Variants in SHISA9 observed in about 807,000 individuals in gnomAD.
The protein encoded by SHISA9 is shisa family member 9, also known as protein shisa-9.
A neutral mutation model predicts 38.0 loss-of-function variants in SHISA9; 13 were observed. The ratio of observed to expected loss-of-function variants is 0.34; its 90% confidence interval spans 0.22 to 0.54. SHISA9 has a LOEUF of 0.54. Ranked by LOEUF, SHISA9 falls within the 20% of genes least tolerant of loss-of-function variation. The pLI, the probability that SHISA9 is intolerant of heterozygous loss-of-function variation, is 0.91. For missense variants in SHISA9, 538 were observed against 575.8 expected, an observed-to-expected ratio of 0.93 and a Z score of 0.67; for synonymous variants, 275 against 242.0, an observed-to-expected ratio of 1.14 and a Z score of -1.27.
rs1229266909 is a variant in SHISA9 at position 12,970,353 on chromosome 16, G to GTATA, written c.691+53551_691+53554dup. Among the ~76,000 whole-genome samples, 161 of 46,734 alleles carry GTATA rather than the reference G, an allele frequency of 3.4e-3. 4 individuals carry two copies. The highest frequency in any genetic ancestry group is 0.014 in the African/African-American group (147 of 10,610). The allele number at this position is 46,734 out of a possible 152,430, so 30.7% of individuals were successfully genotyped here. ...TATATATATATATATACATATATGTGTATATATATATATATACATATATAT... is the reference window on the plus strand; with the variant it reads ...TATATATATATATATACATATATGTGTATATATATATATATATATACATATATAT... On this transcript the variant is annotated intron_variant, in intron 2 of 4. Transcript: ENST00000558583.
chr16:13,118,877 C>T (rs1035781698), intron 2 of SHISA9, among the ~76,000 whole-genome samples: 7 of 151,874 alleles, frequency 4.6e-5, no homozygotes, highest in Non-Finnish European at 1.0e-4. Context: ...TTACAGGCGC[C>T]CTCCACCATG....
chr16:12,925,447 A>ATGTGTG (rs1555500777), intron 2 of SHISA9, among the ~76,000 whole-genome samples: 199 of 66,278 alleles, frequency 3.0e-3, no homozygotes, highest in East Asian at 0.018. Context: ...GTGTGTGTGT[A>ATGTGTG]TGTGTGTGTG....
At chr16:13,457,981 C>G in the SHISA9 span, among the ~76,000 whole-genome samples, 3 of 151,568 alleles carry the variant, frequency 2.0e-5, no homozygotes, top group African/African-American at 7.3e-5. Flanking sequence ...CCCTTCCTTC[C>G]TTCCTTTCTT....
the SHISA9 span, among the ~76,000 whole-genome samples, chr16:13,352,687 C>T: frequency 7.2e-4 from 46 of 63,784 alleles, no homozygotes; most frequent in East Asian, 2.5e-3. Flanking sequence ...AGAGAGTCAG[C>T]GAAGGGAGAT....
intron 2 of SHISA9, among the ~76,000 whole-genome samples, chr16:13,181,191 A>G (rs1386534647): frequency 6.7e-6 from 1 of 149,260 alleles, no homozygotes; most frequent in Non-Finnish European, 1.5e-5. Context: ...CATAATAATA[A>G]TTATAATTAC....
At chr16:13,052,042 C>T (rs376542551) in intron 2 of SHISA9, among the ~76,000 whole-genome samples, 5 of 152,124 alleles carry the variant, frequency 3.3e-5, no homozygotes, top group Non-Finnish European at 4.4e-5. Flanking sequence ...GGATTATAGG[C>T]GTCAACCACT....
At chr16:13,342,034 C>T in the SHISA9 span, among the ~76,000 whole-genome samples, 1 of 152,094 alleles carries the variant, frequency 6.6e-6, no homozygotes, top group African/African-American at 2.4e-5. Context: ...CTAAATAGTT[C>T]CCAAATCTAC....
intron 2 of SHISA9, among the ~76,000 whole-genome samples, chr16:12,940,798 C>T (rs867256009): frequency 1.3e-5 from 2 of 152,168 alleles, no homozygotes; most frequent in East Asian, 3.9e-4. Flanking sequence ...AGGTGCATTA[C>T]TCCTCCTTCC....
At chr16:13,463,346 G>A in the SHISA9 span, among the ~76,000 whole-genome samples, 1 of 152,188 alleles carries the variant, frequency 6.6e-6, no homozygotes, top group African/African-American at 2.4e-5. Context: ...GGCAGGAGAG[G>A]CAGCGTGCAG....
chr16:13,271,741 T>C, the SHISA9 span, among the ~76,000 whole-genome samples: 1 of 152,050 alleles, frequency 6.6e-6, no homozygotes, highest in African/African-American at 2.4e-5. Context: ...GGCATAGTGA[T>C]GAACTCAAAA....
chr16:13,334,219 T>A, the SHISA9 span, among the ~76,000 whole-genome samples: 1 of 152,176 alleles, frequency 6.6e-6, no homozygotes, highest in Non-Finnish European at 1.5e-5. Context: ...CTTTCTGGGA[T>A]TTTCACATTG....
intron 4 of SHISA9, among the ~76,000 whole-genome samples, chr16:13,225,007 G>A (rs887926925): frequency 8.5e-5 from 13 of 152,146 alleles, no homozygotes; most frequent in Non-Finnish European, 1.5e-4. Flanking sequence ...CTTTGCAGAG[G>A]TCATTGAGTT....
At chr16:13,460,952 G>A in the SHISA9 span, among the ~76,000 whole-genome samples, 5 of 152,222 alleles carry the variant, frequency 3.3e-5, no homozygotes, top group Admixed American at 6.5e-5. Context: ...GTCCTTCATC[G>A]CTCCTTGTTA....
intron 4 of SHISA9, among the ~76,000 whole-genome samples, chr16:13,214,884 G>C (rs976625359): frequency 6.6e-6 from 1 of 152,148 alleles, no homozygotes; most frequent in Non-Finnish European, 1.5e-5. Context: ...CCTGGGAATT[G>C]TGCGAGTTGC....
chr16:13,106,962 C>T (rs2073930441), intron 2 of SHISA9, among the ~76,000 whole-genome samples: 1 of 100,268 alleles, frequency 1.0e-5, no homozygotes, highest in Non-Finnish European at 2.0e-5. Context: ...TGCTCTTTCT[C>T]ACGTTCTCTC....
chr16:13,264,624 GA>G, the SHISA9 span, among the ~76,000 whole-genome samples: 1 of 152,036 alleles, frequency 6.6e-6, no homozygotes, highest in Non-Finnish European at 1.5e-5. Flanking sequence ...ATTCTAAACA[GA>G]ATGTCTCTCT....
At chr16:13,216,760 C>G (rs2051173200) in intron 4 of SHISA9, among the ~76,000 whole-genome samples, 1 of 152,182 alleles carries the variant, frequency 6.6e-6, no homozygotes, top group African/African-American at 2.4e-5. Context: ...ATACAAGTTT[C>G]TTACTGCCAC....
rs1328458429 is a variant in SHISA9, at chr16:13,207,172, G to A, written c.847+3623G>A. 1.3e-5 allele frequency among the ~76,000 whole-genome samples: 2 copies of A among 152,324 alleles called. 1 individual carries two copies. ...CCAGCTACTTGGGAGGCTGAGGCATGAGAATCACTTGAACCTGGGACGCGG... is the reference window on the plus strand; with the variant it reads ...CCAGCTACTTGGGAGGCTGAGGCATAAGAATCACTTGAACCTGGGACGCGG... On this transcript the variant is annotated intron_variant, in intron 3 of 4. Transcript: ENST00000558583.
At chr16:13,485,010 C>A in the SHISA9 span, among the ~76,000 whole-genome samples, 2 of 151,314 alleles carry the variant, frequency 1.3e-5, no homozygotes, top group Non-Finnish European at 2.9e-5. Flanking sequence ...GCTGCAGTAA[C>A]AACACTAAGC....
Sources: gnomAD v4.1 joint callset for allele counts (sites outside exome capture counted in the v4.1 genomes callset) on GRCh38, gnomAD v4.1.1 for gene constraint, MANE v1.5 for transcripts, NCBI Gene and HGNC (gene_info 2026-07-23, HGNC 2026-07-21) for gene names.